Variants in PHACTR3 observed in about 807,000 individuals in gnomAD.
The protein encoded by PHACTR3 is protein phosphatase 1, regulatory subunit 123.
In PHACTR3, 16 loss-of-function variants were observed where a neutral mutation model predicts 66.8. The observed-to-expected ratio is 0.24, with a 90% CI of 0.16 to 0.36. The LOEUF (loss-of-function observed/expected upper bound fraction) is 0.36, where lower values mean the gene tolerates loss of function less well. Among genes scored for constraint, PHACTR3 ranks in the 10% least tolerant of loss-of-function variants. The pLI, the probability that PHACTR3 is intolerant of heterozygous loss-of-function variation, is 1.00. For missense variants in PHACTR3, 647 were observed against 719.9 expected (o/e 0.90, Z 1.16); for synonymous variants, 323 against 292.1 (o/e 1.11, Z -1.08).
intron 1 of PHACTR3, among the ~76,000 whole-genome samples, chr20:59,599,262 C>A (rs1349146848): frequency 6.6e-6 from 1 of 152,196 alleles, no homozygotes; most frequent in Non-Finnish European, 1.5e-5. Flanking sequence ...TGGGAGACTA[C>A]GACCTCCCAG....
chr20:59,720,990 A>T (rs760453534), intron 1 of PHACTR3, among the ~76,000 whole-genome samples: 1 of 152,204 alleles, frequency 6.6e-6, no homozygotes, highest in African/African-American at 2.4e-5. Flanking sequence ...CACGGTGCTT[A>T]GAAAAATGGA....
intron 1 of PHACTR3, among the ~76,000 whole-genome samples, chr20:59,629,206 C>G (rs530950740): frequency 4.5e-4 from 68 of 152,358 alleles, no homozygotes; most frequent in African/African-American, 1.0e-3. Context: ...CACCTGCTTC[C>G]TTTTCTCTAC....
intron 1 of PHACTR3, among the ~76,000 whole-genome samples, chr20:59,709,672 T>G (rs1039103661): frequency 6.6e-6 from 1 of 152,244 alleles, no homozygotes; most frequent in South Asian, 2.1e-4. Context: ...TACTTGGGAG[T>G]AGGAATTGTC....
intron 1 of PHACTR3, among the ~76,000 whole-genome samples, chr20:59,651,919 G>T (rs1180661329): frequency 6.6e-6 from 1 of 152,064 alleles, no homozygotes; most frequent in African/African-American, 2.4e-5. Context: ...AGATATAAAA[G>T]GAGATTTATT....
At chr20:59,708,016 C>G (rs1373932482) in intron 1 of PHACTR3, among the ~76,000 whole-genome samples, 1 of 152,202 alleles carries the variant, frequency 6.6e-6, no homozygotes, top group Non-Finnish European at 1.5e-5. Context: ...CAGAAAAAGT[C>G]CTGGAATGGA....
intron 8 of PHACTR3, among the ~76,000 whole-genome samples, chr20:59,808,357 C>T (rs2041631104): frequency 6.6e-6 from 1 of 152,222 alleles, no homozygotes; most frequent in Non-Finnish European, 1.5e-5. Context: ...CCCCTTTCAC[C>T]AGGCCAGATG....
At chr20:59,654,301 C>T (rs973138657) in intron 1 of PHACTR3, among the ~76,000 whole-genome samples, 10 of 152,180 alleles carry the variant, frequency 6.6e-5, no homozygotes, top group South Asian at 2.1e-4. Flanking sequence ...GATGATTGAA[C>T]GTCTTCTTTA....
At chr20:59,735,742 A>G (rs562801420) in intron 1 of PHACTR3, among the ~76,000 whole-genome samples, 57 of 152,266 alleles carry the variant, frequency 3.7e-4, no homozygotes, top group African/African-American at 1.3e-3. Context: ...AACAAGCACG[A>G]GAGTGACGGT....
At chr20:59,771,518 A>G (rs2040359750) in intron 5 of PHACTR3, among the ~76,000 whole-genome samples, 1 of 151,956 alleles carries the variant, frequency 6.6e-6, no homozygotes, top group Admixed American at 6.6e-5. Flanking sequence ...TCCCTCTCCC[A>G]AACCAGCTAC....
chr20:59,590,111 G>A (rs1004616588), intron 1 of PHACTR3, among the ~76,000 whole-genome samples: 8 of 152,186 alleles, frequency 5.3e-5, no homozygotes, highest in Non-Finnish European at 1.2e-4. Context: ...ACGTGTGCAT[G>A]TGTGTGCGTG....
intron 1 of PHACTR3, among the ~76,000 whole-genome samples, chr20:59,673,025 C>T (rs961757379): frequency 3.3e-5 from 5 of 152,318 alleles, no homozygotes; most frequent in Non-Finnish European, 5.9e-5. Context: ...GTGTCTGTTA[C>T]GGTGAGCTGC....
intron 8 of PHACTR3, among the ~76,000 whole-genome samples, chr20:59,824,417 T>C (rs2145435408): frequency 6.6e-6 from 1 of 152,336 alleles, no homozygotes; most frequent in South Asian, 2.1e-4. Context: ...TTAATGATGA[T>C]GTGGTTTTGC....
At position 59,604,877 on chromosome 20, in the gene PHACTR3, CTTTTT is replaced by C. The variant is rs11477768; in HGVS notation, c.-120_-116del. 7 of 977,898 alleles carry C rather than the reference CTTTTT, an allele frequency of 7.2e-6. No individual in the cohort carries two copies. In the African/African-American group the frequency reaches 8.5e-5, roughly 12 times the overall value. 60.6% of individuals were successfully genotyped at this position (977,898 alleles called of 1,614,324 possible). A position where few individuals can be genotyped will look rare whatever the true frequency, so the allele number is the denominator to read the frequency against. On this transcript the variant is annotated 5_prime_UTR_variant, in exon 1 of 13. Transcript: ENST00000371015. ...TCTCCAGCTCGTTTCCTTTCCCGGC[CTTTTT>C]TTTTTTTTTTTTTTTTTAATTTTCT...
At chr20:59,751,784 C>G (rs563485232) in intron 3 of PHACTR3, among the ~76,000 whole-genome samples, 1 of 152,208 alleles carries the variant, frequency 6.6e-6, no homozygotes, top group South Asian at 2.1e-4. Context: ...GCCCGTTGTG[C>G]CCTGGGGAGG....
intron 1 of PHACTR3, among the ~76,000 whole-genome samples, chr20:59,610,462 C>T (rs2033813714): frequency 6.6e-6 from 1 of 152,242 alleles, no homozygotes; most frequent in African/African-American, 2.4e-5. Context: ...TTTTCAGTAC[C>T]TCACTTGGTA....
chr20:59,710,166 CT>C (rs1245494473), intron 1 of PHACTR3, among the ~76,000 whole-genome samples: 10 of 152,128 alleles, frequency 6.6e-5, no homozygotes, highest in African/African-American at 2.4e-4. Flanking sequence ...TAGTTCACCC[CT>C]ATTCTTGAAT....
At chr20:59,684,603 C>G (rs1679721922) in intron 1 of PHACTR3, among the ~76,000 whole-genome samples, 1 of 152,184 alleles carries the variant, frequency 6.6e-6, no homozygotes, top group African/African-American at 2.4e-5. Context: ...TCAGGCTTCT[C>G]TCAGCATGAG....
exon 1 of PHACTR3, chr20:59,577,518 C>G (rs1244531782): frequency 3.5e-6 from 4 of 1,135,618 alleles, no homozygotes; most frequent in Non-Finnish European, 4.3e-6. Context: ...GATGCGTGGC[C>G]GTGGCGGGGG....
intron 1 of PHACTR3, among the ~76,000 whole-genome samples, chr20:59,687,758 C>T (rs1353764009): frequency 6.6e-6 from 1 of 152,150 alleles, no homozygotes; most frequent in Non-Finnish European, 1.5e-5. Flanking sequence ...TATCTTGTAG[C>T]TGCCACCAAG....
Sources: allele counts gnomAD v4.1 joint callset (sites outside exome capture counted in the v4.1 genomes callset), GRCh38; gene constraint gnomAD v4.1.1; transcripts MANE v1.5; gene names NCBI Gene and HGNC (gene_info 2026-07-23, HGNC 2026-07-21).